FUT9: variants seen among roughly 807,000 people sequenced by gnomAD.
FUT9 encodes 4-galactosyl-N-acetylglucosaminide 3-alpha-L-fucosyltransferase 9.
A neutral mutation model predicts 29.7 loss-of-function variants in FUT9; 15 were observed. The observed-to-expected ratio is 0.51, with a 90% CI of 0.34 to 0.78. FUT9 has a LOEUF of 0.78. Ranked by LOEUF, FUT9 falls within the 30% of genes least tolerant of loss-of-function variation. The pLI is 0.01. For missense variants in FUT9, 319 were observed against 425.4 expected (o/e 0.75, Z 2.20); for synonymous variants, 169 against 153.7 (o/e 1.10, Z -0.74).
At chr6:96,022,483 C>G (rs1384724034) in intron 1 of FUT9, among the ~76,000 whole-genome samples, 1 of 152,004 alleles carries the variant, frequency 6.6e-6, no homozygotes, top group East Asian at 1.9e-4. Flanking sequence ...CTGAGACCAT[C>G]TCCTGATATT....
chr6:96,115,540 T>A (rs1269707360), intron 2 of FUT9, among the ~76,000 whole-genome samples: 1 of 152,222 alleles, frequency 6.6e-6, no homozygotes, highest in African/African-American at 2.4e-5. Context: ...TGTCAGTTTT[T>A]AAATTTAAAT....
chr6:96,132,502 T>C (rs541919205), intron 2 of FUT9, among the ~76,000 whole-genome samples: 1 of 152,170 alleles, frequency 6.6e-6, no homozygotes, highest in East Asian at 1.9e-4. Context: ...TAGACTGTAG[T>C]AAGTACATAA....
At chr6:96,088,188 A>G (rs1237206303) in intron 1 of FUT9, among the ~76,000 whole-genome samples, 1 of 152,172 alleles carries the variant, frequency 6.6e-6, no homozygotes, top group Non-Finnish European at 1.5e-5. Context: ...ATGTATAGCT[A>G]TGTAACAAAC....
intron 2 of FUT9, among the ~76,000 whole-genome samples, chr6:96,179,807 C>G (rs1773273089): frequency 6.6e-6 from 1 of 151,956 alleles, no homozygotes; most frequent in African/African-American, 2.4e-5. Flanking sequence ...CAAAGTACAT[C>G]AGAGAAAATG....
At chr6:96,101,884 C>A (rs545067751) in intron 1 of FUT9, among the ~76,000 whole-genome samples, 10 of 150,998 alleles carry the variant, frequency 6.6e-5, no homozygotes, top group Middle Eastern at 3.4e-3. Context: ...TTCTCCCTTT[C>A]TACCTGGTCA....
chr6:96,195,670 A>G (rs1349381671), intron 2 of FUT9, among the ~76,000 whole-genome samples: 3 of 152,224 alleles, frequency 2.0e-5, no homozygotes, highest in Non-Finnish European at 4.4e-5. Context: ...AATTTGGTGT[A>G]TAATAGCTAA....
intron 1 of FUT9, among the ~76,000 whole-genome samples, chr6:96,042,170 C>T (rs768548261): frequency 5.3e-5 from 8 of 152,154 alleles, no homozygotes; most frequent in Non-Finnish European, 8.8e-5. Flanking sequence ...TCACCAGAGC[C>T]TCCCACAGCC....
intron 2 of FUT9, among the ~76,000 whole-genome samples, chr6:96,176,923 C>T (rs181600177): frequency 1.3e-5 from 2 of 152,296 alleles, no homozygotes; most frequent in East Asian, 1.9e-4. Context: ...TACTTCATCA[C>T]ATTATGGCAA....
At chr6:96,200,855 C>G (rs1325817481) in intron 2 of FUT9, among the ~76,000 whole-genome samples, 1 of 152,016 alleles carries the variant, frequency 6.6e-6, no homozygotes, top group African/African-American at 2.4e-5. Flanking sequence ...TAAATTTATA[C>G]TTAGGATCAA....
rs573355109 is a variant in FUT9 at position 96,132,092 on chromosome 6, G to A, written c.-9+17965G>A. Among the ~76,000 whole-genome samples the A allele has an allele frequency of 1.0e-3, 157 of 151,940 alleles. 1 individual carries two copies. Among genetic ancestry groups the A allele is most frequent in the Middle Eastern group, 6.8e-3 (2 of 294 alleles). On this transcript the variant is annotated intron_variant, in intron 2 of 2. Coordinates refer to ENST00000302103, the MANE Select transcript of FUT9 (RefSeq NM_006581.4). ...TCCTGTCTCTCTACAAAATGCCCAC[G>A]TTACCCATGATACATTGTTTTTTCT... is the stretch of plus-strand genomic sequence containing the variant.
intron 1 of FUT9, among the ~76,000 whole-genome samples, chr6:96,092,368 TGATA>T (rs1771425438): frequency 6.6e-6 from 1 of 152,106 alleles, no homozygotes. Context: ...TTATGTATTC[TGATA>T]GATATATTCA....
At chr6:96,194,866 G>C (rs1298160989) in intron 2 of FUT9, among the ~76,000 whole-genome samples, 1 of 152,104 alleles carries the variant, frequency 6.6e-6, no homozygotes. Flanking sequence ...CCCTGTCTGT[G>C]GTATTTCCCA....
chr6:96,059,164 C>T (rs780024174), intron 1 of FUT9, among the ~76,000 whole-genome samples: 2 of 152,146 alleles, frequency 1.3e-5, no homozygotes, highest in South Asian at 2.1e-4. Flanking sequence ...TGAACTAAAA[C>T]GGAAAAAGCC....
intron 2 of FUT9, among the ~76,000 whole-genome samples, chr6:96,181,921 A>G (rs1259185630): frequency 6.6e-6 from 1 of 151,886 alleles, no homozygotes; most frequent in Non-Finnish European, 1.5e-5. Context: ...TATAACAACT[A>G]CTTTTTTCTG....
At chr6:96,188,156 A>T (rs1773437723) in intron 2 of FUT9, among the ~76,000 whole-genome samples, 1 of 152,020 alleles carries the variant, frequency 6.6e-6, no homozygotes, top group South Asian at 2.1e-4. Context: ...ATTAACAATG[A>T]CTCCAGGGAA....
chr6:96,133,424 T>C (rs917206211), intron 2 of FUT9, among the ~76,000 whole-genome samples: 9 of 151,974 alleles, frequency 5.9e-5, no homozygotes, highest in African/African-American at 2.2e-4. Flanking sequence ...AACATCTGAG[T>C]AATCAATTGG....
At chr6:96,183,451 C>G (rs572199460) in intron 2 of FUT9, among the ~76,000 whole-genome samples, 8 of 151,990 alleles carry the variant, frequency 5.3e-5, no homozygotes, top group African/African-American at 1.9e-4. Flanking sequence ...TTTCTCCTGT[C>G]TGATTGGTCT....
intron 2 of FUT9, among the ~76,000 whole-genome samples, chr6:96,190,373 T>C (rs36194451): frequency 0.42 from 63,642 of 151,846 alleles, 14,372 homozygotes; most frequent in South Asian, 0.7. Context: ...GTGAATCTGA[T>C]AATTATGTGT....
At chr6:96,120,205 T>C (rs897111101) in intron 2 of FUT9, among the ~76,000 whole-genome samples, 9 of 151,838 alleles carry the variant, frequency 5.9e-5, no homozygotes, top group African/African-American at 1.9e-4. Context: ...GCTTGTTTTG[T>C]TTTTGTTTAA....
Sources: allele counts gnomAD v4.1 joint callset (sites outside exome capture counted in the v4.1 genomes callset), GRCh38; gene constraint gnomAD v4.1.1; transcripts MANE v1.5; gene names NCBI Gene and HGNC (gene_info 2026-07-23, HGNC 2026-07-21).